MAG: variants seen among roughly 807,000 people sequenced by gnomAD.
The protein encoded by MAG is myelin associated glycoprotein, also known as myelin-associated glycoprotein.
Under a neutral mutation model 60.7 loss-of-function variants are expected in MAG, and 30 were observed. The observed-to-expected ratio is 0.49, with a 90% CI of 0.37 to 0.67. MAG has a LOEUF of 0.67. MAG is among the 30% of genes least tolerant of loss of function. The pLI, the probability that MAG is intolerant of heterozygous loss-of-function variation, is 0.00. For missense variants in MAG, 795 were observed against 851.7 expected (o/e 0.93, Z 0.83); for synonymous variants, 384 against 376.8 (o/e 1.02, Z -0.22).
At chr19:35,292,782 A>G (rs1348357259) in intron 1 of MAG, among the ~76,000 whole-genome samples, 1 of 151,114 alleles carries the variant, frequency 6.6e-6, no homozygotes, top group Non-Finnish European at 1.5e-5. Context: ...TTTTTTTTTA[A>G]GAGACGGGAC....
chr19:35,310,780 G>C, intron 9 of MAG, 137 bp downstream of exon 9: 2 of 745,452 alleles, frequency 2.7e-6, no homozygotes, highest in South Asian at 1.6e-5. Context: ...GGAATGTTCA[G>C]CTGGACAGAG....
At chr19:35,308,672 T>G (rs748125538) in intron 7 of MAG, among the ~76,000 whole-genome samples, 2 of 152,364 alleles carry the variant, frequency 1.3e-5, no homozygotes, top group Non-Finnish European at 2.9e-5. Flanking sequence ...TTTTTGCAAA[T>G]TTGGCACCAC....
intron 4 of MAG, among the ~76,000 whole-genome samples, chr19:35,298,744 A>G (rs1384702976): frequency 3.3e-5 from 5 of 149,328 alleles, no homozygotes; most frequent in Non-Finnish European, 5.9e-5. Flanking sequence ...CACACACCAC[A>G]CACACCACGT....
At chr19:35,309,581 CT>C (rs1280555886) in intron 7 of MAG, among the ~76,000 whole-genome samples, 2 of 152,150 alleles carry the variant, frequency 1.3e-5, no homozygotes, top group African/African-American at 4.8e-5. Context: ...TGCCCGGCCT[CT>C]TTCAGTGTTT....
intron 4 of MAG, among the ~76,000 whole-genome samples, chr19:35,299,160 C>G (rs2066426970): frequency 6.6e-6 from 1 of 152,138 alleles, no homozygotes; most frequent in African/African-American, 2.4e-5. Flanking sequence ...TGTGGGGAGC[C>G]CACGCTGACG....
In MAG at chr19:35,299,680, G is replaced by T. The variant is rs773919803; in HGVS notation, c.542G>T (p.Gly181Val). 1 of 1,600,082 alleles carries T rather than the reference G, an allele frequency of 6.2e-7. No individual in the cohort carries two copies. The highest frequency in any genetic ancestry group is 2.3e-5 in the East Asian group (1 of 43,758). Residue 181 changes from glycine to valine, a missense_variant, in exon 5 of 11, where the codon GGG (glycine) becomes GTG (valine). Transcript: ENST00000392213. The stretch of plus-strand genomic sequence containing the variant: ...AGCTGGCTGGGCCACGAGGGGCTGG[G>T]GGAGCCCGCTGTGCTGGGCCGGCTG... ...ELSWLGHEGL[G>V]EPAVLGRLRE... is the part of the protein sequence containing the mutation.
Position 35,300,150 on chromosome 19 carries a change from C to T in MAG, c.716C>T (p.Pro239Leu). The change falls in exon 6 of 11, where the codon CCC becomes CTC. Residue 239 changes from proline (P) to leucine (L), a missense_variant. Pro to Leu is a moderately conservative substitution (Grantham distance 98). Transcript: ENST00000392213. ...CTCGCTGTGTCGCGGGCCTTAGACCCCCCGGTGATTGTGGAGATGAACTCC... is the reference window on the plus strand; with the variant it reads ...CTCGCTGTGTCGCGGGCCTTAGACCTCCCGGTGATTGTGGAGATGAACTCC... ...EGYASMDVKY[P>L]PVIVEMNSSV... The T allele has an allele frequency of 6.5e-7, 1 of 1,532,576 alleles. No individual in the cohort carries two copies. The allele number at this position is 1,532,576 out of a possible 1,614,324, so 94.9% of individuals were successfully genotyped here.
chr19:35,313,480 T>C lies in MAG; in HGVS notation c.*26T>C. 1 of 1,596,184 alleles carries C rather than the reference T, an allele frequency of 6.3e-7. No individual in the cohort carries two copies. Among genetic ancestry groups the C allele is most frequent in the Non-Finnish European group, 8.5e-7 (1 of 1,172,128 alleles). On this transcript the variant is annotated 3_prime_UTR_variant, in exon 11 of 11. Transcript: ENST00000392213. ...AGGAGCTGGGGGCAGCCTGCGTGGC[T>C]GACCCCCCTCAGGACCCTCGCTGGC...
chr19:35,311,356 C>T (rs1599659913), intron 9 of MAG, among the ~76,000 whole-genome samples: 1 of 151,854 alleles, frequency 6.6e-6, no homozygotes, highest in African/African-American at 2.4e-5. Context: ...CCCAGCTACT[C>T]GGGAGGCTGA....
intron 7 of MAG, among the ~76,000 whole-genome samples, chr19:35,303,722 G>A (rs2066464804): frequency 6.6e-6 from 1 of 152,074 alleles, no homozygotes. Context: ...CTACTGTCTT[G>A]GAAATGAAAC....
Position 35,310,158 on chromosome 19 carries a change from G to C in MAG, c.1516G>C (p.Ala506Pro). ...AKSLELPFQG[A>P]HRLMWAKIGP... is the part of the protein sequence containing the mutation. ...GAGCCTGGAGCTGCCCTTCCAGGGAGCCCGTGAGTGGCGTGGACTTGGGGT... is the reference window on the plus strand; with the variant it reads ...GAGCCTGGAGCTGCCCTTCCAGGGACCCCGTGAGTGGCGTGGACTTGGGGT... The change falls in exon 8 of 11, where the codon GCC becomes CCC. Residue 506 changes from alanine to proline, a missense_variant. Physicochemically the swap from Ala to Pro is conservative, Grantham distance 27. Coordinates refer to ENST00000392213, the MANE Select transcript of MAG (RefSeq NM_002361.4). 6 of 1,603,078 alleles carry C rather than the reference G, an allele frequency of 3.7e-6. No individual in the cohort carries two copies. In the African/African-American group the frequency reaches 6.7e-5, roughly 18 times the overall value.
chr19:35,296,096 G>A, intron 4 of MAG, 115 bp downstream of exon 4: 2 of 1,422,300 alleles, frequency 1.4e-6, no homozygotes, highest in Non-Finnish European at 1.9e-6. Context: ...AGATCTGGGA[G>A]GTGCTGATTT....
At position 35,300,372 on chromosome 19, in the gene MAG, A is replaced by G. The variant is rs143400618; in HGVS notation, c.938A>G (p.Gln313Arg). The G allele has an allele frequency of 6.3e-7, 1 of 1,590,662 alleles. No individual in the cohort carries two copies. The highest frequency in any genetic ancestry group is 1.3e-5 in the African/African-American group (1 of 74,808). The change falls in exon 6 of 11, where the codon CAG (glutamine) becomes CGG (arginine). Residue 313 changes from glutamine (Q) to arginine (R), a missense_variant. By Grantham distance (43) the Gln-to-Arg change is conservative. Transcript: ENST00000392213. ...YACLAENAYG[Q>R]DNRTVGLSVM... ...TGCCTGGCCGAGAATGCCTATGGCC[A>G]GGACAACCGCACCGTGGGGCTCAGT... is the stretch of plus-strand genomic sequence containing the variant.
intron 7 of MAG, 74 bp downstream of exon 7, chr19:35,302,782 AC>A (rs1183071804): frequency 1.3e-6 from 2 of 1,557,110 alleles, no homozygotes; most frequent in Non-Finnish European, 1.7e-6. Context: ...GTGGGTGCCC[AC>A]GCATCCCAAT....
rs1209883159 is a variant in MAG, at chr19:35,295,559, G to C, written c.47-54G>C. ...ATGTGGTTGGGGATGGGAGCCGGAG[G>C]GGGTGATCGGGTAGGACGTGTCCCT... On this transcript the variant is annotated intron_variant, in intron 3 of 10. Coordinates refer to ENST00000392213, the MANE Select transcript of MAG (RefSeq NM_002361.4). This position sits in a 1 kb window ranked among gnomAD's most constrained non-coding sequence, Gnocchi z 5.8. 2 of 1,597,294 alleles carry C rather than the reference G, an allele frequency of 1.3e-6. No individual in the cohort carries two copies. Among genetic ancestry groups the C allele is most frequent in the Non-Finnish European group, 8.5e-7 (1 of 1,172,176 alleles).
intron 4 of MAG, among the ~76,000 whole-genome samples, chr19:35,296,351 G>T (rs2066398132): frequency 6.6e-6 from 1 of 152,192 alleles, no homozygotes; most frequent in Non-Finnish European, 1.5e-5. Context: ...TCCGTAAAAT[G>T]GGGATAAGAA....
At chr19:35,294,173 G>A (rs917772823) in intron 1 of MAG, 62 bp from the exon 2 acceptor site, 49 of 379,614 alleles carry the variant, frequency 1.3e-4, no homozygotes, top group Non-Finnish European at 8.8e-5. Flanking sequence ...ATACTGAAGC[G>A]GGGGTGGGTT....
intron 9 of MAG, 149 bp from the exon 10 acceptor site, chr19:35,311,769 G>A (rs1383241088): frequency 4.8e-6 from 3 of 627,986 alleles, no homozygotes; most frequent in Non-Finnish European, 8.9e-6. Context: ...GGCTGTGTGG[G>A]TAGGAGAGGC....
rs1427459481 is a variant in MAG at position 35,299,706 on chromosome 19, C to T, written c.568C>T (p.Arg190Trp). 1 of 1,582,864 alleles carries T rather than the reference C, an allele frequency of 6.3e-7. No individual in the cohort carries two copies. Among genetic ancestry groups the T allele is most frequent in the Non-Finnish European group, 8.6e-7 (1 of 1,165,676 alleles). Residue 190 changes from arginine (R) to tryptophan (W), a missense_variant, in exon 5 of 11, where the codon CGG becomes TGG. By Grantham distance (101) the Arg-to-Trp change is moderately radical. Transcript: ENST00000392213. Reference protein sequence around the residue: ...LGEPAVLGRLREDEGTWVQVS... With the variant: ...LGEPAVLGRLWEDEGTWVQVS... ...GGAGCCCGCTGTGCTGGGCCGGCTG[C>T]GGGAGGACGAGGGCACCTGGGTGCA... is the stretch of plus-strand genomic sequence containing the variant.
Sources: gnomAD v4.1 joint callset for allele counts (sites outside exome capture counted in the v4.1 genomes callset) on GRCh38, gnomAD v4.1.1 for gene constraint, Gnocchi (gnomAD v3.1) non-coding constraint, MANE v1.5 for transcripts, NCBI Gene and HGNC (gene_info 2026-07-23, HGNC 2026-07-21) for gene names.